The following SLC4A4 variants were observed in gnomAD, a reference collection of about 807,000 sequenced individuals.
SLC4A4 encodes solute carrier family 4 member 4, also known as electrogenic sodium bicarbonate cotransporter 1.
Under a neutral mutation model 111.5 loss-of-function variants are expected in SLC4A4, and 27 were observed. The ratio of observed to expected loss-of-function variants is 0.24; its 90% CI spans 0.18 to 0.33. The LOEUF (loss-of-function observed/expected upper bound fraction) is 0.33. SLC4A4 is among the 10% of genes least tolerant of loss of function. SLC4A4 has a pLI of 1.00. For missense variants in SLC4A4, 909 were observed against 1,315.5 expected (o/e 0.69, Z 4.78); for synonymous variants, 443 against 463.4 (o/e 0.96, Z 0.57).
At chr4:71,075,831 G>A (rs1011078450) in intron 1 of SLC4A4, among the ~76,000 whole-genome samples, 1 of 152,036 alleles carries the variant, frequency 6.6e-6, no homozygotes, top group Non-Finnish European at 1.5e-5. Context: ...AGGCATGGTG[G>A]TGGGCGCCTG....
intron 2 of SLC4A4, among the ~76,000 whole-genome samples, chr4:71,105,509 T>C (rs1742888892): frequency 6.6e-6 from 1 of 151,546 alleles, no homozygotes; most frequent in African/African-American, 2.4e-5. Flanking sequence ...TCACACTACC[T>C]GACTTGAAAC....
chr4:71,322,843 A>AACATGC (rs1394028689), intron 3 of SLC4A4, among the ~76,000 whole-genome samples: 8 of 152,008 alleles, frequency 5.3e-5, no homozygotes, highest in African/African-American at 1.9e-4. Context: ...CTGTTTATAG[A>AACATGC]AAGTGTCCTT....
At chr4:71,077,018 A>G (rs953663166) in intron 1 of SLC4A4, among the ~76,000 whole-genome samples, 16 of 149,952 alleles carry the variant, frequency 1.1e-4, no homozygotes, top group African/African-American at 3.9e-4. Flanking sequence ...ATATATGTGT[A>G]AAAACACATA....
chr4:71,153,756 T>C (rs1744384772), intron 2 of SLC4A4, among the ~76,000 whole-genome samples: 2 of 152,192 alleles, frequency 1.3e-5, no homozygotes, highest in Admixed American at 6.5e-5. Flanking sequence ...CGCTGTCTAC[T>C]TCACCGATTA....
At chr4:71,339,080 A>G in intron 3 of SLC4A4, 3 of 1,573,884 alleles carry the variant, frequency 1.9e-6, no homozygotes, top group Admixed American at 3.6e-5. Context: ...GTTAGACCTC[A>G]GCTCATCTGA....
chr4:71,333,484 G>A (rs1209611455), intron 3 of SLC4A4, among the ~76,000 whole-genome samples: 1 of 152,188 alleles, frequency 6.6e-6, no homozygotes, highest in Admixed American at 6.5e-5. Flanking sequence ...GGTCAGACTC[G>A]AAGTCAGCAC....
intron 2 of SLC4A4, among the ~76,000 whole-genome samples, chr4:71,117,132 G>A (rs371977306): frequency 4.0e-4 from 61 of 152,090 alleles, no homozygotes; most frequent in African/African-American, 1.3e-3. Context: ...GTGCACCACC[G>A]TGAGTGGCTA....
intron 3 of SLC4A4, among the ~76,000 whole-genome samples, chr4:71,306,255 T>C (rs576030417): frequency 4.7e-4 from 71 of 152,256 alleles, no homozygotes; most frequent in Admixed American, 5.9e-4. Flanking sequence ...GAGCAGTTAG[T>C]TAGCTTTCTG....
intron 2 of SLC4A4, among the ~76,000 whole-genome samples, chr4:71,138,715 G>C (rs1369167704): frequency 6.6e-6 from 1 of 152,144 alleles, no homozygotes; most frequent in African/African-American, 2.4e-5. Flanking sequence ...GAAGAAGGCT[G>C]GTTGGGTATG....
At chr4:71,536,494 ATTT>A (rs1734508249) in intron 18 of SLC4A4, among the ~76,000 whole-genome samples, 1 of 124,506 alleles carries the variant, frequency 8.0e-6, no homozygotes, top group Admixed American at 8.3e-5. Context: ...ATATGTATAT[ATTT>A]ATTTATTTAT....
chr4:71,196,053 G>A (rs1745984388), intron 1 of SLC4A4, among the ~76,000 whole-genome samples: 1 of 152,228 alleles, frequency 6.6e-6, no homozygotes, highest in Admixed American at 6.5e-5. Flanking sequence ...AATCTTGAGT[G>A]TTGATGGCTG....
intron 7 of SLC4A4, among the ~76,000 whole-genome samples, chr4:71,435,595 A>G (rs1268440242): frequency 6.6e-6 from 1 of 152,262 alleles, no homozygotes; most frequent in Non-Finnish European, 1.5e-5. Context: ...TGCACAGCAA[A>G]ATAAACTGTC....
chr4:71,368,671 A>G (rs1731564572), intron 6 of SLC4A4, among the ~76,000 whole-genome samples: 1 of 152,232 alleles, frequency 6.6e-6, no homozygotes, highest in East Asian at 1.9e-4. Flanking sequence ...TATGTGGTTC[A>G]TAATTATTAA....
intron 1 of SLC4A4, among the ~76,000 whole-genome samples, chr4:71,081,558 C>T (rs1336158673): frequency 6.6e-6 from 1 of 152,116 alleles, no homozygotes; most frequent in Non-Finnish European, 1.5e-5. Context: ...TGTTTCCTTG[C>T]TCTACGTTAC....
At chr4:71,156,588 G>GCGCACACACACACACA (rs376043069) in intron 2 of SLC4A4, among the ~76,000 whole-genome samples, 2 of 138,572 alleles carry the variant, frequency 1.4e-5, no homozygotes, top group East Asian at 4.2e-4. Context: ...GCGCGCGCGC[G>GCGCACACACACACACA]CACACACACA....
chr4:71,532,779 T>C (rs1734056082), intron 17 of SLC4A4, among the ~76,000 whole-genome samples: 1 of 152,148 alleles, frequency 6.6e-6, no homozygotes, highest in Non-Finnish European at 1.5e-5. Context: ...GTAAAATGCC[T>C]AAGATTATGG....
At chr4:71,413,688 G>A (rs1452578818) in intron 7 of SLC4A4, among the ~76,000 whole-genome samples, 1 of 152,166 alleles carries the variant, frequency 6.6e-6, no homozygotes, top group Non-Finnish European at 1.5e-5. Context: ...CTTGGGAAAG[G>A]GCGCTTGTTG....
intron 3 of SLC4A4, among the ~76,000 whole-genome samples, chr4:71,288,955 G>T (rs1472353198): frequency 6.6e-6 from 1 of 152,024 alleles, no homozygotes; most frequent in African/African-American, 2.4e-5. Context: ...CAGAATACAG[G>T]CTGGTTCTTG....
At chr4:71,194,721 G>C (rs903110229) in intron 1 of SLC4A4, among the ~76,000 whole-genome samples, 2 of 152,118 alleles carry the variant, frequency 1.3e-5, no homozygotes, top group Non-Finnish European at 2.9e-5. Flanking sequence ...TCTATAATTA[G>C]AATGGCCACA....
Sources: allele counts gnomAD v4.1 joint callset (sites outside exome capture counted in the v4.1 genomes callset), GRCh38; gene constraint gnomAD v4.1.1; transcripts MANE v1.5; gene names NCBI Gene and HGNC (gene_info 2026-07-23, HGNC 2026-07-21).